PHKB: variants seen among roughly 807,000 people sequenced by gnomAD.
The protein encoded by PHKB is phosphorylase kinase regulatory subunit beta.
A neutral mutation model predicts 152.1 loss-of-function variants in PHKB; 122 were observed. The observed-to-expected ratio is 0.80, with a 90% CI of 0.69 to 0.93. The LOEUF (loss-of-function observed/expected upper bound fraction) is 0.93. Ranked by LOEUF, PHKB falls within the 40% of genes least tolerant of loss-of-function variation. The pLI, the probability that PHKB is intolerant of heterozygous loss-of-function variation, is 0.00. For synonymous variants in PHKB, 436 were observed against 464.9 expected (o/e 0.94, Z 0.80); for missense variants, 1,304 against 1,328.4 (o/e 0.98, Z 0.29).
At chr16:47,667,632 C>T (rs996484273) in intron 25 of PHKB, among the ~76,000 whole-genome samples, 2 of 152,178 alleles carry the variant, frequency 1.3e-5, no homozygotes, top group Non-Finnish European at 2.9e-5. Context: ...TGTTTTTACC[C>T]TGAACCAAGC....
intron 13 of PHKB, among the ~76,000 whole-genome samples, chr16:47,606,348 G>A (rs1048391259): frequency 1.3e-5 from 2 of 151,902 alleles, no homozygotes; most frequent in Admixed American, 6.6e-5. Context: ...CTACCTAAAA[G>A]CAATTTATAA....
intron 26 of PHKB, among the ~76,000 whole-genome samples, chr16:47,669,861 T>C (rs1010008184): frequency 6.6e-6 from 1 of 152,262 alleles, no homozygotes; most frequent in East Asian, 1.9e-4. Context: ...TATTAATTGA[T>C]TTTTAATATT....
chr16:47,587,703 T>C lies in PHKB; in HGVS notation c.810T>C (p.Asp270=), dbSNP rs143411852. 7 of 1,613,728 alleles carry C rather than the reference T, an allele frequency of 4.3e-6. No homozygotes were observed. The South Asian group carries it at 6.6e-5, about 15-fold the overall frequency. The change falls in exon 9 of 31, where the codon GAT becomes GAC. Residue 270 remains aspartate, a synonymous_variant. Transcript: ENST00000323584. The stretch of plus-strand genomic sequence containing the variant: ...GGTCAGTTATATTTGTGGATCTCGA[T>C]GCTCACAATCGCAACAGGCAAACTT... ...CSWSVIFVDL[D]AHNRNRQTLC... is the part of the protein sequence containing the mutation.
intron 6 of PHKB, among the ~76,000 whole-genome samples, chr16:47,515,931 C>CTT (rs753864226): frequency 1.4e-5 from 2 of 140,346 alleles, no homozygotes; most frequent in Non-Finnish European, 3.1e-5. Context: ...CAATTATTGT[C>CTT]TTTTTTTTTT....
intron 26 of PHKB, chr16:47,675,809 T>C (rs1275382963): frequency 1.3e-5 from 2 of 152,116 alleles, no homozygotes; most frequent in Non-Finnish European, 2.9e-5. Context: ...CACCCTAAAA[T>C]CCCTTCAGAC....
At chr16:47,598,636 C>T (rs534788215) in intron 13 of PHKB, 58 of 1,434,168 alleles carry the variant, frequency 4.0e-5, no homozygotes, top group Non-Finnish European at 5.7e-5. Flanking sequence ...CATCAACACA[C>T]CAAAGTCACT....
chr16:47,549,968 A>C (rs1223162905), intron 7 of PHKB, among the ~76,000 whole-genome samples: 1 of 152,134 alleles, frequency 6.6e-6, no homozygotes, highest in Non-Finnish European at 1.5e-5. Flanking sequence ...CAAATGGATG[A>C]GAGATGAAGT....
intron 7 of PHKB, among the ~76,000 whole-genome samples, chr16:47,550,748 G>T (rs1016802204): frequency 6.6e-6 from 1 of 152,188 alleles, no homozygotes; most frequent in Non-Finnish European, 1.5e-5. Flanking sequence ...AGTTAGGGAG[G>T]AGTCCCTCTT....
At chr16:47,598,927 A>AGC in intron 13 of PHKB, 2 of 1,577,514 alleles carry the variant, frequency 1.3e-6, no homozygotes, top group South Asian at 2.2e-5. Flanking sequence ...TGTGTACAAT[A>AGC]TTCTTAGCCT....
intron 26 of PHKB, among the ~76,000 whole-genome samples, chr16:47,688,113 C>T (rs1323090471): frequency 6.6e-6 from 1 of 152,208 alleles, no homozygotes; most frequent in Non-Finnish European, 1.5e-5. Flanking sequence ...GGGAGAAAGG[C>T]AGCATGGGTG....
At chr16:47,489,569 G>A (rs576594681) in intron 1 of PHKB, among the ~76,000 whole-genome samples, 61 of 152,314 alleles carry the variant, frequency 4.0e-4, no homozygotes, top group African/African-American at 1.3e-3. Context: ...GCTGAGCCCA[G>A]CCATGGGTTT....
chr16:47,482,683 A>C (rs1417704144), intron 1 of PHKB, among the ~76,000 whole-genome samples: 1 of 152,186 alleles, frequency 6.6e-6, no homozygotes, highest in Non-Finnish European at 1.5e-5. Flanking sequence ...AAAATGCCTA[A>C]TATAACATCT....
At chr16:47,683,876 G>A (rs941685490) in intron 26 of PHKB, among the ~76,000 whole-genome samples, 2 of 152,174 alleles carry the variant, frequency 1.3e-5, no homozygotes, top group African/African-American at 2.4e-5. Flanking sequence ...ACTGTAGACC[G>A]GAGCTGTTCC....
At chr16:47,579,238 A>AT (rs1442281064) in intron 7 of PHKB, among the ~76,000 whole-genome samples, 1 of 152,208 alleles carries the variant, frequency 6.6e-6, no homozygotes, top group African/African-American at 2.4e-5. Context: ...TTGTCCTGCA[A>AT]TAAAAGTGAT....
intron 14 of PHKB, among the ~76,000 whole-genome samples, chr16:47,631,217 T>G (rs573245871): frequency 2.6e-5 from 4 of 152,204 alleles, no homozygotes; most frequent in Non-Finnish European, 5.9e-5. Flanking sequence ...AAATACGTAC[T>G]GTGACATGTG....
At chr16:47,527,056 A>T (rs569749418) in intron 6 of PHKB, among the ~76,000 whole-genome samples, 8 of 152,218 alleles carry the variant, frequency 5.3e-5, no homozygotes, top group African/African-American at 1.9e-4. Context: ...CTCACCCACT[A>T]TCTCTAGGAA....
intron 30 of PHKB, 79 bp downstream of exon 30, chr16:47,698,667 C>T (rs1974197092): frequency 1.7e-6 from 2 of 1,172,832 alleles, no homozygotes; most frequent in Admixed American, 3.3e-5. Context: ...TCCCTAATCT[C>T]TTTTCATTTA....
At chr16:47,570,687 T>A (rs2151687352) in intron 7 of PHKB, among the ~76,000 whole-genome samples, 1 of 152,084 alleles carries the variant, frequency 6.6e-6, no homozygotes, top group Admixed American at 6.5e-5. Flanking sequence ...TCCTGTATTT[T>A]TTTTTTATTT....
chr16:47,528,875 T>G (rs1970812595), intron 6 of PHKB, among the ~76,000 whole-genome samples: 1 of 151,952 alleles, frequency 6.6e-6, no homozygotes, highest in African/African-American at 2.4e-5. Flanking sequence ...TTTGTGTTTT[T>G]AGTAGAGATG....
Sources: gnomAD v4.1 joint callset for allele counts (sites outside exome capture counted in the v4.1 genomes callset) on GRCh38, gnomAD v4.1.1 for gene constraint, MANE v1.5 for transcripts, NCBI Gene and HGNC (gene_info 2026-07-23, HGNC 2026-07-21) for gene names.